CASZ1: variants seen among roughly 807,000 people sequenced by gnomAD.
CASZ1 encodes zinc finger protein castor homolog 1.
CASZ1 carries 28 observed loss-of-function variants against 135.2 expected under a neutral mutation model. That is an observed-to-expected ratio of 0.21 (90% confidence interval 0.15 to 0.28). CASZ1 has a LOEUF of 0.28. Among genes scored for constraint, CASZ1 ranks in the 10% least tolerant of loss-of-function variants. CASZ1 has a pLI of 1.00. For missense variants in CASZ1, 2,161 were observed against 2,453.3 expected, an observed-to-expected ratio of 0.88 and a Z score of 2.52; for synonymous variants, 1,068 against 1,073.4, an observed-to-expected ratio of 0.99 and a Z score of 0.10.
rs1303756469 is a variant in CASZ1, at chr1:10,794,330, C to G, written c.-234+2234G>C. 6.6e-6 allele frequency among the ~76,000 whole-genome samples: 1 copy of G among 152,142 alleles called. No homozygotes were observed. Among genetic ancestry groups the G allele is most frequent in the Non-Finnish European group, 1.5e-5 (1 of 68,018 alleles). On this transcript the variant is annotated intron_variant, in intron 1 of 20. Transcript: ENST00000377022. The surrounding 1 kb of genome is among the most constrained non-coding windows in gnomAD (Gnocchi z 5.6). ...AGACGTCCTAAATTTACTAACTTTG[C>G]CCCGCGACTACCAGGGCCTTTTCCC...
chr1:10,682,815 A>G (rs284264), intron 4 of CASZ1, among the ~76,000 whole-genome samples: 7,161 of 152,250 alleles, frequency 0.047, 565 homozygotes, highest in African/African-American at 0.16. Context: ...CCTTCCTATC[A>G]GGGAGGCCAG....
At position 10,658,586 on chromosome 1, in the gene CASZ1, GAC is replaced by G. The variant is rs1557476708; in HGVS notation, c.1341-12_1341-11del. 6.2e-7 allele frequency: 1 copy of G among 1,613,452 alleles called. No individual in the cohort carries two copies. The highest frequency in any genetic ancestry group is 1.7e-5 in the Admixed American group (1 of 60,032). ...TGTGGGCAGTCCGTTCCTGGCAAGA[GAC>G]ACACAGGGCACAGCCGGTGAGCAGA... On this transcript the variant is annotated splice_polypyrimidine_tract_variant and intron_variant, in intron 6 of 20. Coordinates refer to ENST00000377022, the MANE Select transcript of CASZ1 (RefSeq NM_001079843.3).
At chr1:10,642,602 G>A (rs1329884306) in intron 20 of CASZ1, among the ~76,000 whole-genome samples, 1 of 152,070 alleles carries the variant, frequency 6.6e-6, no homozygotes, top group Non-Finnish European at 1.5e-5. Context: ...GGGCTGCGCT[G>A]CTCCCGCTGT....
intron 2 of CASZ1, among the ~76,000 whole-genome samples, chr1:10,729,438 G>A (rs1402176917): frequency 6.8e-6 from 1 of 147,138 alleles, no homozygotes; most frequent in East Asian, 2.1e-4. Context: ...CTTTCCCACC[G>A]CAGCTCCTCA....
intron 1 of CASZ1, among the ~76,000 whole-genome samples, chr1:10,773,321 C>A (rs1434551915): frequency 6.8e-6 from 1 of 147,878 alleles, no homozygotes; most frequent in Non-Finnish European, 1.5e-5. Flanking sequence ...TAGGCAGCCT[C>A]GGATCTTCAG....
At chr1:10,693,775 C>T (rs553397968) in intron 4 of CASZ1, 99 bp downstream of exon 4, 2 of 1,039,518 alleles carry the variant, frequency 1.9e-6, no homozygotes, top group Admixed American at 1.8e-5. Context: ...GGCCCCCACC[C>T]GGCCCCGCCG....
intron 2 of CASZ1, among the ~76,000 whole-genome samples, chr1:10,708,347 C>T (rs1452096853): frequency 6.6e-6 from 1 of 152,226 alleles, no homozygotes; most frequent in African/African-American, 2.4e-5. Flanking sequence ...AAAGCAAACC[C>T]TGCCCTAAAC....
chr1:10,766,817 A>G (rs1323384602), intron 1 of CASZ1, among the ~76,000 whole-genome samples: 1 of 152,230 alleles, frequency 6.6e-6, no homozygotes, highest in Admixed American at 6.5e-5. Context: ...AATGAAGTAG[A>G]TGGTTCTCTC....
Position 10,720,153 on chromosome 1 carries a change from C to A in CASZ1, c.-76-14609G>T, listed in dbSNP as rs1427786044. On this transcript the variant is annotated intron_variant, in intron 2 of 20. Coordinates refer to ENST00000377022, the MANE Select transcript of CASZ1 (RefSeq NM_001079843.3). The surrounding 1 kb of genome is among the most constrained non-coding windows in gnomAD (Gnocchi z 5.7). ...CATGTGATCTGGCCTCTCCGAGGTT[C>A]AATTTCCTTGTCTATAAAATGCACG... Among the ~76,000 whole-genome samples, 1 of 152,216 alleles carries A rather than the reference C, an allele frequency of 6.6e-6. No homozygotes were observed. The highest frequency in any genetic ancestry group is 2.4e-5 in the African/African-American group (1 of 41,462).
Position 10,646,367 on chromosome 1 carries a change from A to C in CASZ1, c.3498-41T>G. On this transcript the variant is annotated intron_variant, in intron 16 of 20. Coordinates refer to ENST00000377022, the MANE Select transcript of CASZ1 (RefSeq NM_001079843.3). This position sits in a 1 kb window ranked among gnomAD's most constrained non-coding sequence, Gnocchi z 6.4. ...AGCCCAGAAGGTCATTGCCATTCTC[A>C]AGCCCTCCCTGCTGGTGTCCTGACT... The C allele has an allele frequency of 1.5e-5, 24 of 1,593,658 alleles. No individual in the cohort carries two copies. Among genetic ancestry groups the C allele is most frequent in the Non-Finnish European group, 1.9e-5 (22 of 1,163,966 alleles).
intron 7 of CASZ1, chr1:10,658,273 G>C (rs1187322756): frequency 7.6e-6 from 4 of 526,694 alleles, no homozygotes; most frequent in Non-Finnish European, 1.4e-5. Flanking sequence ...GGCCCTAACT[G>C]GGGGCACAGG....
chr1:10,769,549 ACT>A (rs1640536730), intron 1 of CASZ1, among the ~76,000 whole-genome samples: 1 of 152,018 alleles, frequency 6.6e-6, no homozygotes, highest in Non-Finnish European at 1.5e-5. Context: ...ATGGAGTCTC[ACT>A]CTGTTGCCTA....
chr1:10,690,608 C>T (rs961340252), intron 4 of CASZ1, among the ~76,000 whole-genome samples: 2 of 152,168 alleles, frequency 1.3e-5, no homozygotes, highest in African/African-American at 4.8e-5. Context: ...CGGGCTTCCT[C>T]CCATTGACCC....
rs542014422 is a variant in CASZ1 at position 10,677,788 on chromosome 1, C to T, written c.17-12217G>A. Among the ~76,000 whole-genome samples the T allele has an allele frequency of 1.5e-4, 23 of 152,338 alleles. No individual in the cohort carries two copies. In the South Asian group the frequency reaches 4.8e-3, roughly 32 times the overall value. On this transcript the variant is annotated intron_variant, in intron 4 of 20. Coordinates refer to ENST00000377022, the MANE Select transcript of CASZ1 (RefSeq NM_001079843.3). ...CCGCAGCCTTGGAGATTGCACCAGG[C>T]CCCTCGGGCCCCAAATACCACAAAG... is the stretch of plus-strand genomic sequence containing the variant.
At chr1:10,642,709 C>T (rs985059398) in intron 20 of CASZ1, 150 bp downstream of exon 20, 2 of 829,468 alleles carry the variant, frequency 2.4e-6, no homozygotes, top group South Asian at 1.8e-5. Flanking sequence ...CTCGATGACC[C>T]AGTCCCACAG....
chr1:10,658,376 A>C (rs549356743), intron 7 of CASZ1, 132 bp downstream of exon 7: 1 of 709,004 alleles, frequency 1.4e-6, no homozygotes, highest in East Asian at 2.7e-5. Context: ...GGAGGGACCG[A>C]AGTGGATGGG....
intron 2 of CASZ1, among the ~76,000 whole-genome samples, chr1:10,728,080 T>C (rs1639630509): frequency 6.6e-6 from 1 of 152,228 alleles, no homozygotes; most frequent in Non-Finnish European, 1.5e-5. Flanking sequence ...CTTCCCCACA[T>C]GGCACTGGGT....
intron 15 of CASZ1, chr1:10,648,427 C>T: frequency 2.7e-6 from 1 of 370,524 alleles, no homozygotes; most frequent in Non-Finnish European, 4.8e-6. Flanking sequence ...AGGCCCTGCC[C>T]CAGGAAGCCT....
chr1:10,639,855 T>C lies in CASZ1; in HGVS notation c.4367A>G (p.His1456Arg). Reference protein sequence around the residue: ...AACQFSLKVTHYHCTRENCGY... With the variant: ...AACQFSLKVTRYHCTRENCGY... Reference sequence around the variant, plus strand: ...GCAGTTCTCGCGCGTGCAGTGGTAGTGGGTGACCTTGAGCGAGAACTGACA... The same window carrying C: ...GCAGTTCTCGCGCGTGCAGTGGTAGCGGGTGACCTTGAGCGAGAACTGACA... Residue 1456 changes from histidine (H) to arginine (R), a missense_variant, in exon 21 of 21, where the codon CAC (histidine) becomes CGC (arginine). His to Arg is a conservative substitution (Grantham distance 29). Around this residue, in one of 7 missense-constraint regions of CASZ1, gnomAD observed 240 missense variants for 321.4 expected, o/e 0.75. Coordinates refer to ENST00000377022, the MANE Select transcript of CASZ1 (RefSeq NM_001079843.3). This position sits in a 1 kb window ranked among gnomAD's most constrained non-coding sequence, Gnocchi z 4.0. The C allele has an allele frequency of 1.2e-6, 2 of 1,612,068 alleles. No individual in the cohort carries two copies. Among genetic ancestry groups the C allele is most frequent in the Non-Finnish European group, 1.7e-6 (2 of 1,179,608 alleles).
Sources: gnomAD v4.1 joint callset for allele counts (sites outside exome capture counted in the v4.1 genomes callset) on GRCh38, gnomAD v4.1.1 for gene constraint, gnomAD v4.1.1 regional missense constraint, Gnocchi (gnomAD v3.1) non-coding constraint, MANE v1.5 for transcripts, NCBI Gene and HGNC (gene_info 2026-07-23, HGNC 2026-07-21) for gene names.